The following BCAP29 variants were observed in gnomAD, a reference collection of about 807,000 sequenced individuals.
BCAP29 encodes the protein B-cell receptor-associated protein 29.
A neutral mutation model predicts 31.8 loss-of-function variants in BCAP29; 34 were observed. The observed-to-expected ratio is 1.07, with a 90% CI of 0.81 to 1.42. BCAP29 has a LOEUF of 1.42. Ranked by LOEUF, BCAP29 falls within the 40% of genes most tolerant of loss-of-function variation. The probability of loss-of-function intolerance (pLI) is 0.00; values close to 1 mark genes in which losing one functional copy is unlikely to be tolerated. For synonymous variants in BCAP29, 104 were observed against 91.3 expected, an observed-to-expected ratio of 1.14 and a Z score of -0.79; for missense variants, 314 against 269.2, an observed-to-expected ratio of 1.17 and a Z score of -1.16.
At chr7:107,615,483 C>A in intron 7 of BCAP29, 1 of 351,840 alleles carries the variant, frequency 2.8e-6, no homozygotes, top group Non-Finnish European at 5.7e-6. Context: ...GTAATCCCAG[C>A]TACTCGGGAG....
intron 4 of BCAP29, among the ~76,000 whole-genome samples, chr7:107,594,460 T>G (rs1277531442): frequency 1.8e-5 from 1 of 54,492 alleles, no homozygotes; most frequent in Non-Finnish European, 3.2e-5. Flanking sequence ...AGTACGGAGA[T>G]TACAGTCACT....
At chr7:107,596,057 G>A in intron 5 of BCAP29, 55 bp downstream of exon 5, 4 of 1,440,106 alleles carry the variant, frequency 2.8e-6, no homozygotes, top group Non-Finnish European at 3.7e-6. Flanking sequence ...GAGGAGTAAT[G>A]TATTTGTTTT....
At chr7:107,588,853 T>C (rs910376535) in intron 3 of BCAP29, among the ~76,000 whole-genome samples, 2 of 152,166 alleles carry the variant, frequency 1.3e-5, no homozygotes, top group African/African-American at 4.8e-5. Flanking sequence ...ACCATGGATG[T>C]GTAGGAAAGA....
intron 6 of BCAP29, among the ~76,000 whole-genome samples, chr7:107,612,406 TATATATATATATATA>T (rs1563141253): frequency 3.4e-4 from 11 of 32,048 alleles, no homozygotes; most frequent in African/African-American, 7.7e-4. Flanking sequence ...TATATATATA[TATATATATATATATA>T]TATATATATA....
intron 5 of BCAP29, among the ~76,000 whole-genome samples, chr7:107,599,210 A>ATATTT (rs1554477101): frequency 3.2e-5 from 4 of 126,284 alleles, no homozygotes; most frequent in South Asian, 2.3e-4. Flanking sequence ...CATATTTATA[A>ATATTT]ATATATATAT....
At chr7:107,593,614 G>A (rs1000798016) in intron 3 of BCAP29, among the ~76,000 whole-genome samples, 3 of 152,196 alleles carry the variant, frequency 2.0e-5, no homozygotes, top group African/African-American at 7.2e-5. Flanking sequence ...ATCTGTCATT[G>A]TCAATAGGCT....
downstream of BCAP29, chr7:107,620,499 A>G (rs1471822158): frequency 1.3e-5 from 2 of 152,198 alleles, no homozygotes; most frequent in Non-Finnish European, 2.9e-5. Context: ...ATATTAAATT[A>G]CTTTCCTTCC....
chr7:107,622,325 G>C (rs17154251), downstream of BCAP29: 1 of 158,586 alleles, frequency 6.3e-6, no homozygotes, highest in African/African-American at 2.4e-5. Context: ...CTGCAGTTAA[G>C]ATCAAACCAC....
chr7:107,580,860 C>T lies in BCAP29; in HGVS notation c.88C>T (p.Gln30Ter). 6.3e-7 allele frequency: 1 copy of T among 1,584,996 alleles called. No homozygotes were observed. Among genetic ancestry groups the T allele is most frequent in the South Asian group, 1.2e-5 (1 of 86,908 alleles). ...CTTCTGCCTACCTTTTATTCCTCCTCAGAGGTAGGAAACCTTCAAATCGTT... is the reference window on the plus strand; with the variant it reads ...CTTCTGCCTACCTTTTATTCCTCCTTAGAGGTAGGAAACCTTCAAATCGTT... ...LIFCLPFIPP[Q>*]RWQKIFSFNV... The change falls in exon 2 of 8, where the codon CAG (glutamine) becomes TAG (stop). Residue 30 changes from glutamine to a stop codon, truncating the protein, a stop_gained. Coordinates refer to ENST00000005259, the MANE Select transcript of BCAP29 (RefSeq NM_018844.4). LOFTEE classifies it high-confidence loss of function.
At chr7:107,591,641 T>TACACACACACAC (rs924671499) in intron 3 of BCAP29, among the ~76,000 whole-genome samples, 6 of 41,826 alleles carry the variant, frequency 1.4e-4, no homozygotes, top group East Asian at 6.5e-4. Context: ...CATACACACA[T>TACACACACACAC]ACACACACAC....
chr7:107,607,876 G>A (rs999760294), intron 6 of BCAP29, among the ~76,000 whole-genome samples: 13 of 152,030 alleles, frequency 8.6e-5, no homozygotes, highest in African/African-American at 3.1e-4. Flanking sequence ...CTGACCTGGT[G>A]GTCCGCCTGC....
chr7:107,586,684 A>G (rs1395329256), intron 3 of BCAP29, among the ~76,000 whole-genome samples: 1 of 150,996 alleles, frequency 6.6e-6, no homozygotes, highest in South Asian at 2.1e-4. Context: ...ATCTCTCTAA[A>G]TAAGGTAACT....
chr7:107,581,867 A>G (rs925809056), intron 2 of BCAP29, among the ~76,000 whole-genome samples: 1 of 152,108 alleles, frequency 6.6e-6, no homozygotes, highest in African/African-American at 2.4e-5. Context: ...ATTGAATCAT[A>G]CTGTAGGGTC....
upstream of BCAP29, chr7:107,580,212 G>A (rs989195874): frequency 6.6e-6 from 1 of 152,002 alleles, no homozygotes; most frequent in Non-Finnish European, 1.5e-5. Flanking sequence ...GTGGGGCCCT[G>A]GCTCCCCTCC....
rs1563141281 is a variant in BCAP29, at chr7:107,612,410, TA to T, written c.590-921del. Among the ~76,000 whole-genome samples the T allele has an allele frequency of 2.3e-3, 98 of 43,264 alleles. 2 individuals are homozygous for T. Among genetic ancestry groups the T allele is most frequent in the African/African-American group, 3.6e-3 (80 of 22,114 alleles). 28.4% of individuals were successfully genotyped at this position (43,264 alleles called of 152,430 possible). On this transcript the variant is annotated intron_variant, in intron 6 of 7. Transcript: ENST00000005259. ...ATTGTTTTATATATATATATATATA[TA>T]TATATATATATATATATATATATAT...
chr7:107,618,624 G>A lies in BCAP29; in HGVS notation c.*261G>A. On this transcript the variant is annotated 3_prime_UTR_variant, in exon 8 of 8. Transcript: ENST00000005259. ...ATATTGATAATGTCATTGGTATATG[G>A]TGGCTGTTTACCAATAAAAGGAAAA... The A allele has an allele frequency of 2.7e-6, 4 of 1,502,656 alleles. No homozygotes were observed. The highest frequency in any genetic ancestry group is 3.6e-6 in the Non-Finnish European group (4 of 1,116,284). The allele number at this position is 1,502,656 out of a possible 1,614,324, so 93.1% of individuals were successfully genotyped here. A position where few individuals can be genotyped will look rare whatever the true frequency, so the allele number is the denominator to read the frequency against.
chr7:107,616,659 C>A (rs1452222309), intron 7 of BCAP29, among the ~76,000 whole-genome samples: 1 of 152,000 alleles, frequency 6.6e-6, no homozygotes, highest in Non-Finnish European at 1.5e-5. Context: ...TTTCCTTCAC[C>A]TACCCATCCC....
chr7:107,613,624 T>A (rs1196855248), intron 7 of BCAP29, 192 bp downstream of exon 7: 7 of 1,583,580 alleles, frequency 4.4e-6, no homozygotes, highest in Non-Finnish European at 5.2e-6. Context: ...CAAGATAATT[T>A]TAAGGAATTG....
At chr7:107,621,315 C>G (rs1240015902), downstream of BCAP29, 2 of 189,522 alleles carry the variant, frequency 1.1e-5, no homozygotes, top group Non-Finnish European at 2.2e-5. Context: ...TCTTGGAAAT[C>G]CACTTATGAA....
Sources: allele counts gnomAD v4.1 joint callset (sites outside exome capture counted in the v4.1 genomes callset), GRCh38; gene constraint gnomAD v4.1.1; transcripts MANE v1.5; gene names NCBI Gene and HGNC (gene_info 2026-07-23, HGNC 2026-07-21).